The following MFHAS1 variants were observed in gnomAD, a reference collection of about 807,000 sequenced individuals.
MFHAS1 encodes the protein malignant fibrous histiocytoma-amplified sequence 1.
In MFHAS1, 50 loss-of-function variants were observed where a neutral mutation model predicts 70.4. The ratio of observed to expected loss-of-function variants is 0.71; its 90% CI spans 0.57 to 0.90. The LOEUF (loss-of-function observed/expected upper bound fraction) is 0.90, where lower values mean the gene tolerates loss of function less well. Ranked by LOEUF, MFHAS1 falls within the 40% of genes least tolerant of loss-of-function variation. The probability of loss-of-function intolerance (pLI) is 0.00; values close to 1 mark genes in which losing one functional copy is unlikely to be tolerated. For synonymous variants in MFHAS1, 952 were observed against 620.0 expected, an observed-to-expected ratio of 1.54 and a Z score of -7.96; for missense variants, 1,795 against 1,347.6, an observed-to-expected ratio of 1.33 and a Z score of -5.20.
chr8:8,800,523 C>CTGCAGGTCTGTAAACCAACCCACCCACCA (rs1806049925), intron 1 of MFHAS1, among the ~76,000 whole-genome samples: 1 of 152,190 alleles, frequency 6.6e-6, no homozygotes, highest in Admixed American at 6.5e-5. Context: ...CCACAGAGAG[C>CTGCAGGTCTGTAAACCAACCCACCCACCA]TGCAGGTCTG....
At chr8:8,834,551 G>C (rs1807529324) in intron 1 of MFHAS1, among the ~76,000 whole-genome samples, 1 of 152,180 alleles carries the variant, frequency 6.6e-6, no homozygotes, top group East Asian at 1.9e-4. Flanking sequence ...ATTGCCTATA[G>C]TATTGATTAC....
intron 1 of MFHAS1, among the ~76,000 whole-genome samples, chr8:8,870,422 C>T (rs975680270): frequency 4.6e-5 from 7 of 152,156 alleles, no homozygotes; most frequent in Admixed American, 2.0e-4. Context: ...GCTGAAATCG[C>T]GCCACCTCAC....
intron 1 of MFHAS1, among the ~76,000 whole-genome samples, chr8:8,888,895 T>C (rs968457971): frequency 6.6e-6 from 1 of 151,980 alleles, no homozygotes; most frequent in Non-Finnish European, 1.5e-5. Flanking sequence ...CTGAAACAAA[T>C]GTACTGCTCT....
chr8:8,826,577 A>G (rs1162269645), intron 1 of MFHAS1, among the ~76,000 whole-genome samples: 1 of 152,140 alleles, frequency 6.6e-6, no homozygotes, highest in African/African-American at 2.4e-5. Flanking sequence ...TACTAAAAAT[A>G]CAAAAATTAG....
intron 1 of MFHAS1, among the ~76,000 whole-genome samples, chr8:8,860,874 C>T (rs1808634285): frequency 6.6e-6 from 1 of 152,126 alleles, no homozygotes; most frequent in South Asian, 2.1e-4. Flanking sequence ...TGGGCTCATA[C>T]GCATACATAT....
intron 1 of MFHAS1, among the ~76,000 whole-genome samples, chr8:8,846,428 G>A (rs528644310): frequency 6.6e-6 from 1 of 151,854 alleles, no homozygotes; most frequent in South Asian, 2.1e-4. Context: ...CAAGTCCAAG[G>A]TATCAGTGTT....
At chr8:8,882,834 C>A (rs932736982) in intron 1 of MFHAS1, among the ~76,000 whole-genome samples, 3 of 152,058 alleles carry the variant, frequency 2.0e-5, no homozygotes, top group Non-Finnish European at 4.4e-5. Context: ...ACAACCACCC[C>A]CCAGCAATTA....
At chr8:8,851,066 G>T (rs180899802) in intron 1 of MFHAS1, among the ~76,000 whole-genome samples, 1 of 152,112 alleles carries the variant, frequency 6.6e-6, no homozygotes, top group Non-Finnish European at 1.5e-5. Flanking sequence ...ATAGGGTCAC[G>T]TATATAAGCG....
rs567278719 is a variant in MFHAS1 at position 8,851,231 on chromosome 8, T to C, written c.2998+38830A>G. Reference sequence around the variant, plus strand: ...TTCATTTGTCCTACAGTTTATTTAGTCTTGGGTGTCTTATAAATAGAAACT... The same window carrying C: ...TTCATTTGTCCTACAGTTTATTTAGCCTTGGGTGTCTTATAAATAGAAACT... On this transcript the variant is annotated intron_variant, in intron 1 of 2. Coordinates refer to ENST00000276282, the MANE Select transcript of MFHAS1 (RefSeq NM_004225.3). 2.0e-4 allele frequency among the ~76,000 whole-genome samples: 31 copies of C among 152,266 alleles called. No individual in the cohort carries two copies. The Middle Eastern group carries it at 0.014, about 67-fold the overall frequency.
intron 1 of MFHAS1, among the ~76,000 whole-genome samples, chr8:8,883,040 C>G (rs936578320): frequency 3.9e-5 from 6 of 152,216 alleles, no homozygotes; most frequent in African/African-American, 1.4e-4. Context: ...GTAGTCCCAG[C>G]TATTCAGGAG....
chr8:8,840,897 T>C (rs1028942243), intron 1 of MFHAS1, among the ~76,000 whole-genome samples: 1 of 152,132 alleles, frequency 6.6e-6, no homozygotes, highest in Non-Finnish European at 1.5e-5. Flanking sequence ...ATCTTATAAA[T>C]CCTTTAGTAA....
At chr8:8,792,989 C>T (rs1182374401) in intron 2 of MFHAS1, among the ~76,000 whole-genome samples, 1 of 152,162 alleles carries the variant, frequency 6.6e-6, no homozygotes, top group East Asian at 1.9e-4. Context: ...AAATGACTCA[C>T]ATTTCTATCT....
intron 1 of MFHAS1, among the ~76,000 whole-genome samples, chr8:8,802,895 A>G (rs1378889749): frequency 1.3e-5 from 2 of 152,242 alleles, no homozygotes; most frequent in East Asian, 3.8e-4. Flanking sequence ...GGCAGGTGGA[A>G]CATCCTTAAA....
chr8:8,820,082 C>T (rs1053104376), intron 1 of MFHAS1, among the ~76,000 whole-genome samples: 1 of 152,140 alleles, frequency 6.6e-6, no homozygotes, highest in African/African-American at 2.4e-5. Context: ...TCCCCCAGAA[C>T]AGCTCTCTCA....
intron 2 of MFHAS1, among the ~76,000 whole-genome samples, chr8:8,786,440 C>G (rs925533533): frequency 6.6e-6 from 1 of 152,130 alleles, no homozygotes; most frequent in Non-Finnish European, 1.5e-5. Context: ...CAGACACACA[C>G]CAAATAATCC....
At chr8:8,843,734 C>T (rs1008394185) in intron 1 of MFHAS1, among the ~76,000 whole-genome samples, 4 of 152,136 alleles carry the variant, frequency 2.6e-5, no homozygotes, top group Admixed American at 6.6e-5. Flanking sequence ...TCTCCCCACA[C>T]GTCACCCTGC....
At chr8:8,819,931 C>T (rs1459509080) in intron 1 of MFHAS1, among the ~76,000 whole-genome samples, 2 of 152,146 alleles carry the variant, frequency 1.3e-5, no homozygotes, top group South Asian at 2.1e-4. Context: ...CTCCTGAGTT[C>T]AAACTATCCT....
chr8:8,860,787 TGA>T (rs1808631366), intron 1 of MFHAS1, among the ~76,000 whole-genome samples: 1 of 152,102 alleles, frequency 6.6e-6, no homozygotes. Flanking sequence ...TGAAAAAGGG[TGA>T]GAGAGATGTT....
chr8:8,818,689 C>T (rs925769069), intron 1 of MFHAS1, among the ~76,000 whole-genome samples: 1 of 152,200 alleles, frequency 6.6e-6, no homozygotes, highest in Non-Finnish European at 1.5e-5. Context: ...GACTTCCTTC[C>T]TCACATCCTT....
Sources: gnomAD v4.1 joint callset for allele counts (sites outside exome capture counted in the v4.1 genomes callset) on GRCh38, gnomAD v4.1.1 for gene constraint, MANE v1.5 for transcripts, NCBI Gene and HGNC (gene_info 2026-07-23, HGNC 2026-07-21) for gene names.